The following HUNK variants were observed in gnomAD, a reference collection of about 807,000 sequenced individuals.
HUNK encodes hormonally up-regulated Neu-associated kinase, also known as hormonally up-regulated neu tumor-associated kinase.
A neutral mutation model predicts 61.0 loss-of-function variants in HUNK; 21 were observed. The observed-to-expected ratio is 0.34, with a 90% CI of 0.24 to 0.50. The LOEUF is 0.50. Among genes scored for constraint, HUNK ranks in the 20% least tolerant of loss-of-function variants. The pLI is 0.98. For missense variants in HUNK, 772 were observed against 945.7 expected, an observed-to-expected ratio of 0.82 and a Z score of 2.41; for synonymous variants, 371 against 386.1, an observed-to-expected ratio of 0.96 and a Z score of 0.46.
At chr21:31,883,718 A>T (rs1297519883) in intron 1 of HUNK, among the ~76,000 whole-genome samples, 2 of 152,134 alleles carry the variant, frequency 1.3e-5, no homozygotes, top group African/African-American at 4.8e-5. Flanking sequence ...ATTTCTGAGG[A>T]GAGGGTCCAT....
At chr21:31,980,692 C>T (rs1601408774) in intron 7 of HUNK, among the ~76,000 whole-genome samples, 4 of 152,140 alleles carry the variant, frequency 2.6e-5, no homozygotes, top group East Asian at 1.9e-4. Flanking sequence ...CCACCATGCC[C>T]GGCCTGGGCC....
chr21:31,888,817 T>C (rs1416282396), intron 1 of HUNK, among the ~76,000 whole-genome samples: 2 of 152,110 alleles, frequency 1.3e-5, no homozygotes, highest in Non-Finnish European at 2.9e-5. Context: ...AATGTATGTG[T>C]GTATATATAT....
chr21:31,905,544 C>T (rs950137029), intron 1 of HUNK, among the ~76,000 whole-genome samples: 3 of 152,194 alleles, frequency 2.0e-5, no homozygotes, highest in African/African-American at 7.2e-5. Flanking sequence ...TGCAAACCTG[C>T]GCCCACCTCC....
At chr21:31,986,636 C>T (rs1429614346) in intron 8 of HUNK, among the ~76,000 whole-genome samples, 1 of 152,174 alleles carries the variant, frequency 6.6e-6, no homozygotes, top group Non-Finnish European at 1.5e-5. Flanking sequence ...GTCTCCTAGC[C>T]ACATGGCCCA....
chr21:31,932,834 T>C (rs2052707285), intron 2 of HUNK, among the ~76,000 whole-genome samples: 1 of 151,636 alleles, frequency 6.6e-6, no homozygotes, highest in Admixed American at 6.6e-5. Context: ...CTGTTGTTCC[T>C]AAGACATCCC....
chr21:31,950,972 G>A (rs944623239), intron 4 of HUNK, among the ~76,000 whole-genome samples: 1 of 152,032 alleles, frequency 6.6e-6, no homozygotes, highest in African/African-American at 2.4e-5. Flanking sequence ...GTCATTGAAA[G>A]AAACCTTGGG....
rs3787694 is a variant in HUNK, at chr21:32,000,859, G to C, written c.*1675G>C. 0.63 allele frequency: 249,508 copies of C among 397,576 alleles called. 78,555 individuals are homozygous for C. The highest frequency in any genetic ancestry group is 0.73 in the South Asian group (5,171 of 7,118). 24.6% of individuals were successfully genotyped at this position (397,576 alleles called of 1,614,324 possible). On this transcript the variant is annotated 3_prime_UTR_variant, in exon 11 of 11. Coordinates refer to ENST00000270112, the MANE Select transcript of HUNK (RefSeq NM_014586.2). ...ACCTTGGTGAGACCTGGAGCTGCCT[G>C]TTTCTTCCCTAGGGGATCACCACGG... is the stretch of plus-strand genomic sequence containing the variant.
At chr21:31,984,513 C>G (rs1340779868) in intron 8 of HUNK, among the ~76,000 whole-genome samples, 1 of 152,156 alleles carries the variant, frequency 6.6e-6, no homozygotes, top group Non-Finnish European at 1.5e-5. Flanking sequence ...GCTTTCCTGG[C>G]CAGCTGTCCC....
At chr21:31,947,258 G>A (rs1187205326) in intron 4 of HUNK, among the ~76,000 whole-genome samples, 4 of 144,202 alleles carry the variant, frequency 2.8e-5, no homozygotes, top group African/African-American at 1.0e-4. Context: ...TCTCAAGCCA[G>A]TGGCGCCTGC....
Position 31,897,892 on chromosome 21 carries a change from A to G in HUNK, c.261+23957A>G, listed in dbSNP as rs545463745. On this transcript the variant is annotated intron_variant, in intron 1 of 10. Transcript: ENST00000270112. The stretch of plus-strand genomic sequence containing the variant: ...CATTGCCTCTGTTCCACCATGTTCT[A>G]TCTTTCCGAGATGCTCACCTCCTCC... 5.7e-4 allele frequency among the ~76,000 whole-genome samples: 87 copies of G among 152,104 alleles called. 1 individual carries two copies. The highest frequency in any genetic ancestry group is 1.9e-3 in the African/African-American group (77 of 41,482).
In HUNK at chr21:31,873,186, GC is replaced by G. The variant is rs976367147; in HGVS notation, c.-486del. Reference sequence around the variant, plus strand: ...GCGCTTCTCTCCGGCGGGAGCGGCCGCCCAGCGCACGGCTAGGAGCGATCGC... The same window carrying G: ...GCGCTTCTCTCCGGCGGGAGCGGCCGCCAGCGCACGGCTAGGAGCGATCGC... On this transcript the variant is annotated 5_prime_UTR_variant, in exon 1 of 11. The change abolishes the stop of an existing upstream ORF in the 5' untranslated region. Transcript: ENST00000270112. This position sits in a 1 kb window ranked among gnomAD's most constrained non-coding sequence, Gnocchi z 6.1. 50 of 152,224 alleles carry G rather than the reference GC, an allele frequency of 3.3e-4. No individual in the cohort carries two copies. The highest frequency in any genetic ancestry group is 1.2e-3 in the African/African-American group (49 of 41,558). 9.4% of individuals were successfully genotyped at this position (152,224 alleles called of 1,614,324 possible).
intron 4 of HUNK, among the ~76,000 whole-genome samples, chr21:31,949,615 CTAT>C (rs1174432675): frequency 3.3e-5 from 5 of 151,992 alleles, no homozygotes; most frequent in Non-Finnish European, 7.4e-5. Flanking sequence ...GCACAAAAGG[CTAT>C]GGGAGCCTGA....
intron 1 of HUNK, among the ~76,000 whole-genome samples, chr21:31,904,189 T>A (rs1321089299): frequency 1.3e-5 from 2 of 152,070 alleles, no homozygotes; most frequent in Admixed American, 1.3e-4. Flanking sequence ...AATATTGAAA[T>A]CCCAGGAGAT....
At chr21:31,923,670 C>T (rs958858345) in intron 1 of HUNK, among the ~76,000 whole-genome samples, 11 of 151,756 alleles carry the variant, frequency 7.2e-5, no homozygotes, top group African/African-American at 2.2e-4. Flanking sequence ...GGGACAGATG[C>T]GGATTTGGGT....
chr21:31,875,920 A>G (rs948154231), intron 1 of HUNK, among the ~76,000 whole-genome samples: 2 of 152,154 alleles, frequency 1.3e-5, no homozygotes, highest in Non-Finnish European at 2.9e-5. Flanking sequence ...TTTTTGCACC[A>G]TAAAACTCTT....
chr21:31,968,133 C>G (rs1739456843), intron 5 of HUNK, 117 bp from the exon 6 acceptor site: 3 of 1,258,342 alleles, frequency 2.4e-6, no homozygotes, highest in Non-Finnish European at 3.4e-6. Context: ...GAAGAGATCA[C>G]CCCAGCAGTG....
At chr21:31,936,700 A>G (rs766391984) in intron 2 of HUNK, among the ~76,000 whole-genome samples, 3 of 152,108 alleles carry the variant, frequency 2.0e-5, no homozygotes, top group Non-Finnish European at 4.4e-5. Flanking sequence ...CCCTAGTTTT[A>G]GGACATTTCC....
intron 1 of HUNK, among the ~76,000 whole-genome samples, chr21:31,881,172 G>C (rs1326916575): frequency 6.6e-6 from 1 of 152,180 alleles, no homozygotes; most frequent in African/African-American, 2.4e-5. Flanking sequence ...AGCATTTGCT[G>C]TTTACTGAAA....
chr21:31,947,640 G>C (rs1409991011), intron 4 of HUNK, among the ~76,000 whole-genome samples: 1 of 152,170 alleles, frequency 6.6e-6, no homozygotes, highest in Non-Finnish European at 1.5e-5. Context: ...GGGCCACCAG[G>C]GGTAAGCACA....
Sources: gnomAD v4.1 joint callset for allele counts (sites outside exome capture counted in the v4.1 genomes callset) on GRCh38, gnomAD v4.1.1 for gene constraint, Gnocchi (gnomAD v3.1) non-coding constraint, MANE v1.5 for transcripts, NCBI Gene and HGNC (gene_info 2026-07-23, HGNC 2026-07-21) for gene names.